The following FAT3 variants were observed in gnomAD, a reference collection of about 807,000 sequenced individuals.
The protein encoded by FAT3 is FAT atypical cadherin 3.
A neutral mutation model predicts 310.2 loss-of-function variants in FAT3; 95 were observed. The ratio of observed to expected loss-of-function variants is 0.31; its 90% CI spans 0.26 to 0.36. The LOEUF is 0.36. FAT3 is among the 10% of genes least tolerant of loss of function. The probability of loss-of-function intolerance (pLI) is 1.00; values close to 1 mark genes in which losing one functional copy is unlikely to be tolerated. For missense variants in FAT3, 5,408 were observed against 5,715.6 expected (o/e 0.95, Z 1.74); for synonymous variants, 2,314 against 2,192.9 (o/e 1.06, Z -1.54).
At chr11:92,884,027 AG>A (rs1949740672) in intron 24 of FAT3, among the ~76,000 whole-genome samples, 1 of 151,998 alleles carries the variant, frequency 6.6e-6, no homozygotes, top group African/African-American at 2.4e-5. Context: ...ATGAAACAAG[AG>A]GGGGATCCAC....
chr11:92,430,928 G>A (rs1950754382), intron 2 of FAT3, among the ~76,000 whole-genome samples: 1 of 152,110 alleles, frequency 6.6e-6, no homozygotes, highest in Non-Finnish European at 1.5e-5. Context: ...CATTTGGGTT[G>A]GTTCCAAGTC....
chr11:92,809,489 A>T (rs963908202), intron 12 of FAT3, among the ~76,000 whole-genome samples: 4 of 152,204 alleles, frequency 2.6e-5, no homozygotes, highest in Non-Finnish European at 5.9e-5. Context: ...TGTTTTCTGG[A>T]CATATAGCAG....
intron 1 of FAT3, among the ~76,000 whole-genome samples, chr11:92,306,652 A>G (rs1947135517): frequency 8.2e-6 from 1 of 122,470 alleles, no homozygotes; most frequent in African/African-American, 3.1e-5. Context: ...TATTATATAT[A>G]TTATATATAT....
chr11:92,300,745 G>A (rs977294530), intron 1 of FAT3, among the ~76,000 whole-genome samples: 2 of 152,116 alleles, frequency 1.3e-5, no homozygotes, highest in Non-Finnish European at 2.9e-5. Flanking sequence ...ATTCACTGCT[G>A]TATTAGCTGC....
At chr11:92,444,335 AG>A (rs1565321889) in intron 2 of FAT3, among the ~76,000 whole-genome samples, 18 of 2,760 alleles carry the variant, frequency 6.5e-3, no homozygotes, top group Non-Finnish European at 0.012. Context: ...ATGAAGAAGA[AG>A]ATCAGAAGAT....
At chr11:92,618,936 G>A (rs1565461985) in intron 3 of FAT3, among the ~76,000 whole-genome samples, 1 of 151,962 alleles carries the variant, frequency 6.6e-6, no homozygotes. Context: ...CAGGAACAAT[G>A]GATTAAGTAT....
At chr11:92,451,200 A>G (rs1951344436) in intron 2 of FAT3, among the ~76,000 whole-genome samples, 2 of 151,888 alleles carry the variant, frequency 1.3e-5, no homozygotes, top group Non-Finnish European at 2.9e-5. Flanking sequence ...AGAGTTACCC[A>G]CTCGCCTTGT....
chr11:92,399,716 T>G (rs1016947421), intron 2 of FAT3, among the ~76,000 whole-genome samples: 1 of 152,198 alleles, frequency 6.6e-6, no homozygotes, highest in Non-Finnish European at 1.5e-5. Flanking sequence ...ATGGTTGATT[T>G]GGTGAGCCCC....
chr11:92,724,654 T>A (rs1944951142), intron 4 of FAT3, among the ~76,000 whole-genome samples: 1 of 152,248 alleles, frequency 6.6e-6, no homozygotes, highest in South Asian at 2.1e-4. Flanking sequence ...TTGGGTATGT[T>A]AAGTACACAC....
intron 3 of FAT3, among the ~76,000 whole-genome samples, chr11:92,670,856 G>A (rs548822595): frequency 2.0e-5 from 3 of 152,250 alleles, no homozygotes; most frequent in Admixed American, 6.5e-5. Flanking sequence ...CTAGGGGAAG[G>A]CTCAGGAAGC....
intron 4 of FAT3, among the ~76,000 whole-genome samples, chr11:92,758,316 G>C (rs998414976): frequency 6.6e-6 from 1 of 152,198 alleles, no homozygotes; most frequent in Non-Finnish European, 1.5e-5. Context: ...TATACACATA[G>C]TGGCATAGAA....
chr11:92,471,934 T>TA (rs920069000), intron 2 of FAT3, among the ~76,000 whole-genome samples: 2 of 123,520 alleles, frequency 1.6e-5, no homozygotes, highest in African/African-American at 8.4e-5. Context: ...TATATATATA[T>TA]ATATATATAT....
chr11:92,868,867 G>A (rs1304880420), intron 22 of FAT3, among the ~76,000 whole-genome samples: 1 of 152,196 alleles, frequency 6.6e-6, no homozygotes, highest in East Asian at 1.9e-4. Flanking sequence ...CGACCCACAT[G>A]GGGAATAGCA....
At chr11:92,445,413 GT>G (rs1951185664) in intron 2 of FAT3, among the ~76,000 whole-genome samples, 1 of 152,136 alleles carries the variant, frequency 6.6e-6, no homozygotes, top group South Asian at 2.1e-4. Context: ...AGAATCACTG[GT>G]TTTCATTGTT....
At chr11:92,785,723 C>A (rs1222688256) in intron 7 of FAT3, among the ~76,000 whole-genome samples, 1 of 151,998 alleles carries the variant, frequency 6.6e-6, no homozygotes, top group Non-Finnish European at 1.5e-5. Context: ...AAAAGACAAA[C>A]CATATTCTTG....
intron 2 of FAT3, among the ~76,000 whole-genome samples, chr11:92,364,115 T>C (rs575358417): frequency 1.3e-5 from 2 of 152,236 alleles, no homozygotes; most frequent in East Asian, 1.9e-4. Context: ...ATAAAAATAA[T>C]GACAGTCATA....
intron 4 of FAT3, among the ~76,000 whole-genome samples, chr11:92,708,755 G>A (rs538754952): frequency 6.6e-6 from 1 of 152,308 alleles, no homozygotes; most frequent in South Asian, 2.1e-4. Flanking sequence ...CTGGCACATG[G>A]TATGCACTCA....
At chr11:92,796,815 C>A (rs961276831) in intron 9 of FAT3, among the ~76,000 whole-genome samples, 1 of 152,312 alleles carries the variant, frequency 6.6e-6, no homozygotes, top group African/African-American at 2.4e-5. Flanking sequence ...ATTTTTTATT[C>A]CTCTGTTATT....
chr11:92,518,446 G>C (rs949004493), intron 2 of FAT3, among the ~76,000 whole-genome samples: 1 of 152,062 alleles, frequency 6.6e-6, no homozygotes, highest in African/African-American at 2.4e-5. Context: ...TCACTCATAA[G>C]TGGGAATTGA....
Sources: gnomAD v4.1 joint callset for allele counts (sites outside exome capture counted in the v4.1 genomes callset) on GRCh38, gnomAD v4.1.1 for gene constraint, MANE v1.5 for transcripts, NCBI Gene and HGNC (gene_info 2026-07-23, HGNC 2026-07-21) for gene names.